Variants in HMGB1 observed in about 807,000 individuals in gnomAD.
The protein encoded by HMGB1 is high mobility group box 1.
For missense variants in HMGB1, 79 were observed against 253.5 expected (o/e 0.31, Z 4.67); for synonymous variants, 81 against 84.0 (o/e 0.96, Z 0.19).
intron 1 of HMGB1, among the ~76,000 whole-genome samples, chr13:30,558,432 C>T (rs1169971026): frequency 6.6e-6 from 1 of 151,936 alleles, no homozygotes; most frequent in African/African-American, 2.4e-5. Context: ...AGTTTAAAAC[C>T]ATTTGCTCAC....
intron 1 of HMGB1, among the ~76,000 whole-genome samples, chr13:30,584,044 A>T (rs1871036444): frequency 6.6e-6 from 1 of 151,816 alleles, no homozygotes; most frequent in African/African-American, 2.4e-5. Flanking sequence ...AACAAAAAGA[A>T]AGAAGGAAAG....
chr13:30,609,012 A>G (rs1950487168), intron 1 of HMGB1, among the ~76,000 whole-genome samples: 1 of 139,608 alleles, frequency 7.2e-6, no homozygotes, highest in South Asian at 2.2e-4. Context: ...CTGTAATCCC[A>G]GCACTTGGGG....
chr13:30,586,997 GT>G (rs1871181594), intron 1 of HMGB1, among the ~76,000 whole-genome samples: 1 of 151,970 alleles, frequency 6.6e-6, no homozygotes, highest in African/African-American at 2.4e-5. Flanking sequence ...TTTCTCACTA[GT>G]TATTATAATT....
chr13:30,582,739 T>C (rs994939160), intron 1 of HMGB1, among the ~76,000 whole-genome samples: 1 of 152,138 alleles, frequency 6.6e-6, no homozygotes, highest in South Asian at 2.1e-4. Flanking sequence ...GGTATATTTG[T>C]TATCTAATAT....
At position 30,614,798 on chromosome 13, in the gene HMGB1, A is replaced by G. The variant is rs116866464; in HGVS notation, c.-15+1873T>C. ...TGCAATCTCTGACCCCCGGGGTTCAAGCAATTCTCCCTGCCTTAGCCTCCC... is the reference window on the plus strand; with the variant it reads ...TGCAATCTCTGACCCCCGGGGTTCAGGCAATTCTCCCTGCCTTAGCCTCCC... On this transcript the variant is annotated intron_variant, in intron 1 of 4. Coordinates refer to the HMGB1 transcript ENST00000405805. 2.3e-3 allele frequency among the ~76,000 whole-genome samples: 348 copies of G among 152,076 alleles called. 2 individuals carry two copies. Among genetic ancestry groups the G allele is most frequent in the Admixed American group, 6.9e-3 (105 of 15,268 alleles).
At chr13:30,464,452 G>A (rs1490544234) in intron 1 of HMGB1, 3 of 985,162 alleles carry the variant, frequency 3.0e-6, no homozygotes, top group Non-Finnish European at 3.6e-6. Flanking sequence ...GAAAGTTGGG[G>A]TGACTCCTGC....
At chr13:30,538,079 G>A (rs1454551707) in intron 1 of HMGB1, among the ~76,000 whole-genome samples, 1 of 152,140 alleles carries the variant, frequency 6.6e-6, no homozygotes, top group African/African-American at 2.4e-5. Flanking sequence ...GAAGATCATA[G>A]TTCCAGCTGC....
intron 1 of HMGB1, among the ~76,000 whole-genome samples, chr13:30,572,075 G>C (rs1051809842): frequency 8.5e-5 from 13 of 152,170 alleles, no homozygotes; most frequent in Non-Finnish European, 1.9e-4. Context: ...TGATGGGAGA[G>C]TAAGCATGAC....
At chr13:30,555,214 T>C (rs1442300132) in intron 1 of HMGB1, among the ~76,000 whole-genome samples, 1 of 151,920 alleles carries the variant, frequency 6.6e-6, no homozygotes, top group African/African-American at 2.4e-5. Flanking sequence ...GCTAATTTTT[T>C]GTATTTTTAG....
intron 1 of HMGB1, among the ~76,000 whole-genome samples, chr13:30,550,494 G>A (rs1047229481): frequency 3.9e-5 from 6 of 152,132 alleles, no homozygotes; most frequent in African/African-American, 1.2e-4. Flanking sequence ...AATCTAAATC[G>A]AGTCCTCGTG....
Position 30,484,960 on chromosome 13 carries a change from C to CA in HMGB1, c.-14-21267dup, listed in dbSNP as rs548168303. Among the ~76,000 whole-genome samples, 387 of 150,580 alleles carry CA rather than the reference C, an allele frequency of 2.6e-3. 2 individuals are homozygous for CA. Among genetic ancestry groups the CA allele is most frequent in the African/African-American group, 8.7e-3 (358 of 41,118 alleles). The stretch of plus-strand genomic sequence containing the variant: ...GACCTCTCACAGCTGGGTAAATGTG[C>CA]AAAAAATGGGAGATAAGTATTAATA... On this transcript the variant is annotated intron_variant, in intron 1 of 4. Coordinates refer to the HMGB1 transcript ENST00000405805.
chr13:30,525,719 A>T (rs1265546887), intron 1 of HMGB1, among the ~76,000 whole-genome samples: 2 of 10,644 alleles, frequency 1.9e-4, no homozygotes, highest in Non-Finnish European at 1.1e-3. Flanking sequence ...TTATTAACAT[A>T]AAAAAAAAAA....
chr13:30,615,002 G>A (rs934230422), intron 1 of HMGB1, among the ~76,000 whole-genome samples: 2 of 151,066 alleles, frequency 1.3e-5, no homozygotes, highest in African/African-American at 2.4e-5. Flanking sequence ...GAGCCACCAC[G>A]CCCGGCCGAG....
rs377393714 is a variant in HMGB1 at position 30,496,389 on chromosome 13, C to T, written c.-14-32695G>A. ...TCACAGCCTGGCACATGGGCCTCCC[C>T]GCTGCACCCTCAGTTCTACCCCTGA... is the stretch of plus-strand genomic sequence containing the variant. On this transcript the variant is annotated intron_variant, in intron 1 of 4. Transcript: ENST00000405805. Among the ~76,000 whole-genome samples, 41 of 152,324 alleles carry T rather than the reference C, an allele frequency of 2.7e-4. No homozygotes were observed. The East Asian group carries it at 5.6e-3, about 21-fold the overall frequency.
At chr13:30,484,597 C>T (rs1319447676) in intron 1 of HMGB1, among the ~76,000 whole-genome samples, 1 of 152,138 alleles carries the variant, frequency 6.6e-6, no homozygotes, top group African/African-American at 2.4e-5. Context: ...GGGCCAGGCG[C>T]AGTGGTTCAC....
chr13:30,594,438 A>C (rs1320521710), intron 1 of HMGB1, among the ~76,000 whole-genome samples: 11 of 152,078 alleles, frequency 7.2e-5, no homozygotes, highest in Non-Finnish European at 1.0e-4. Context: ...GTCCATGTGT[A>C]CCCAAGACTT....
At chr13:30,581,975 A>G (rs1870918927) in intron 1 of HMGB1, among the ~76,000 whole-genome samples, 1 of 152,128 alleles carries the variant, frequency 6.6e-6, no homozygotes, top group African/African-American at 2.4e-5. Flanking sequence ...ATCTGATAGA[A>G]TCACTGTATC....
intron 1 of HMGB1, among the ~76,000 whole-genome samples, chr13:30,608,894 C>T (rs914237933): frequency 3.3e-5 from 5 of 152,158 alleles, no homozygotes; most frequent in Admixed American, 2.0e-4. Context: ...AATTTTGTGC[C>T]CTCATGGAGT....
At chr13:30,556,058 A>G (rs1869672853) in intron 1 of HMGB1, among the ~76,000 whole-genome samples, 2 of 152,228 alleles carry the variant, frequency 1.3e-5, no homozygotes, top group Admixed American at 6.5e-5. Flanking sequence ...TGCTGCCACA[A>G]TTGTCAATAA....
Sources: allele counts gnomAD v4.1 joint callset (sites outside exome capture counted in the v4.1 genomes callset), GRCh38; gene constraint gnomAD v4.1.1; transcripts MANE v1.5; gene names NCBI Gene and HGNC (gene_info 2026-07-23, HGNC 2026-07-21).